Variants in ZEB1 observed in about 807,000 individuals in gnomAD.
ZEB1 encodes the protein zinc finger E-box-binding homeobox 1.
A neutral mutation model predicts 84.9 loss-of-function variants in ZEB1; 21 were observed. That is an observed-to-expected ratio of 0.25 (90% CI 0.18 to 0.36). ZEB1 has a LOEUF of 0.36. Among genes scored for constraint, ZEB1 ranks in the 10% least tolerant of loss-of-function variants. The pLI is 1.00. For missense variants in ZEB1, 1,104 were observed against 1,330.2 expected (o/e 0.83, Z 2.65); for synonymous variants, 420 against 471.1 (o/e 0.89, Z 1.41).
At chr10:31,337,704 T>TTTTTC (rs2038460037) in intron 1 of ZEB1, among the ~76,000 whole-genome samples, 1 of 146,606 alleles carries the variant, frequency 6.8e-6, no homozygotes. Context: ...TTTTTTTTTT[T>TTTTTC]TGATGGAGTC....
chr10:31,324,762 G>A (rs2035079750), intron 1 of ZEB1, among the ~76,000 whole-genome samples: 3 of 151,970 alleles, frequency 2.0e-5, no homozygotes, highest in South Asian at 4.2e-4. Context: ...GTCCTGATTA[G>A]GAAATATGAT....
chr10:31,375,399 A>G (rs2046456157), intron 1 of ZEB1, among the ~76,000 whole-genome samples: 2 of 151,744 alleles, frequency 1.3e-5, no homozygotes, highest in Admixed American at 1.3e-4. Flanking sequence ...TTTCTTTGAC[A>G]GCTCTTTTTG....
chr10:31,504,087 G>T (rs571352679), intron 4 of ZEB1, among the ~76,000 whole-genome samples: 2 of 144,348 alleles, frequency 1.4e-5, no homozygotes, highest in East Asian at 3.9e-4. Context: ...GTTTTATGGT[G>T]TTGTGTCTTA....
intron 1 of ZEB1, among the ~76,000 whole-genome samples, chr10:31,400,932 C>A (rs2051867808): frequency 6.6e-6 from 1 of 152,074 alleles, no homozygotes; most frequent in Admixed American, 6.6e-5. Flanking sequence ...TTATGACATA[C>A]ATTTCTTCAT....
chr10:31,468,949 A>G (rs2062797552), intron 2 of ZEB1, among the ~76,000 whole-genome samples: 1 of 152,224 alleles, frequency 6.6e-6, no homozygotes, highest in Non-Finnish European at 1.5e-5. Flanking sequence ...CTTTGAAATG[A>G]CAGATAAAGA....
chr10:31,474,395 G>T (rs1017204424), intron 2 of ZEB1, among the ~76,000 whole-genome samples: 3 of 152,084 alleles, frequency 2.0e-5, no homozygotes, highest in Non-Finnish European at 4.4e-5. Context: ...CAAAAAGTGG[G>T]CAAAGGACAT....
At position 31,529,358 on chromosome 10, in the gene ZEB1, A is replaced by G. The variant is rs529773529; in HGVS notation, c.*2094A>G. ...TAAATTATGGATTTTCTTGTGGCTA[A>G]ATGTTTCTGGAGAGGTCAGAGTTGA... On this transcript the variant is annotated 3_prime_UTR_variant, in exon 9 of 9. Coordinates refer to ENST00000424869, the MANE Select transcript of ZEB1 (RefSeq NM_001174096.2). 2.1e-4 allele frequency: 32 copies of G among 152,260 alleles called. No individual in the cohort carries two copies. The highest frequency in any genetic ancestry group is 7.0e-4 in the African/African-American group (29 of 41,548). The allele number at this position is 152,260 out of a possible 1,614,324, so 9.4% of individuals were successfully genotyped here. A position where few individuals can be genotyped will look rare whatever the true frequency, so the allele number is the denominator to read the frequency against.
In ZEB1 at chr10:31,361,493, G is replaced by T. The variant is rs192819969; in HGVS notation, c.58+42201G>T. Among the ~76,000 whole-genome samples the T allele has an allele frequency of 4.6e-5, 7 of 152,328 alleles. No individual in the cohort carries two copies. In the East Asian group the frequency reaches 1.3e-3, roughly 29 times the overall value. On this transcript the variant is annotated intron_variant, in intron 1 of 8. Coordinates refer to ENST00000424869, the MANE Select transcript of ZEB1 (RefSeq NM_001174096.2). ...GGAGGGCAGAAAGATCACACACAAGGCTGTCACTTCACACTTGGAAGGTTG... is the reference window on the plus strand; with the variant it reads ...GGAGGGCAGAAAGATCACACACAAGTCTGTCACTTCACACTTGGAAGGTTG...
intron 1 of ZEB1, among the ~76,000 whole-genome samples, chr10:31,339,498 C>G (rs371354122): frequency 6.6e-6 from 1 of 151,994 alleles, no homozygotes; most frequent in Non-Finnish European, 1.5e-5. Flanking sequence ...GGCCAGGCGC[C>G]GTGGCTCACA....
intron 1 of ZEB1, chr10:31,320,052 A>G (rs2033429172): frequency 6.6e-6 from 1 of 151,088 alleles, no homozygotes; most frequent in South Asian, 2.1e-4. Context: ...CGGGGATTAG[A>G]GGCGCGGGGG....
intron 1 of ZEB1, among the ~76,000 whole-genome samples, chr10:31,380,953 G>T (rs1364716055): frequency 6.6e-6 from 1 of 152,078 alleles, no homozygotes; most frequent in Non-Finnish European, 1.5e-5. Context: ...AGTTTTATTT[G>T]GTCAAATACA....
At chr10:31,445,508 A>G (rs2059641737) in intron 1 of ZEB1, among the ~76,000 whole-genome samples, 1 of 150,740 alleles carries the variant, frequency 6.6e-6, no homozygotes, top group Admixed American at 6.6e-5. Context: ...TTCAAAGGGA[A>G]TGCTTCCAGT....
intron 2 of ZEB1, among the ~76,000 whole-genome samples, chr10:31,489,052 AT>A (rs1465269789): frequency 4.0e-5 from 6 of 151,316 alleles, no homozygotes; most frequent in Admixed American, 1.3e-4. Flanking sequence ...CTGTCAGTTA[AT>A]GCAAGAGGAG....
intron 2 of ZEB1, among the ~76,000 whole-genome samples, chr10:31,482,262 G>A (rs2065139675): frequency 6.6e-6 from 1 of 151,956 alleles, no homozygotes; most frequent in Non-Finnish European, 1.5e-5. Context: ...CTAATAATTA[G>A]AAAACATCAG....
chr10:31,389,423 T>G (rs1173601844), intron 1 of ZEB1, among the ~76,000 whole-genome samples: 1 of 152,156 alleles, frequency 6.6e-6, no homozygotes, highest in Non-Finnish European at 1.5e-5. Flanking sequence ...TTCTGATTTG[T>G]CTTTCATCGG....
chr10:31,350,623 G>C (rs1042685371), intron 1 of ZEB1, among the ~76,000 whole-genome samples: 1 of 152,060 alleles, frequency 6.6e-6, no homozygotes, highest in Admixed American at 6.5e-5. Flanking sequence ...ATAATTTAAG[G>C]TTTCATGAAT....
chr10:31,464,859 G>A (rs180784954), intron 2 of ZEB1, among the ~76,000 whole-genome samples: 6 of 152,210 alleles, frequency 3.9e-5, no homozygotes, highest in African/African-American at 4.8e-5. Context: ...AACCTGCTTC[G>A]TAAGAAAAAC....
At chr10:31,407,286 CT>C (rs2053290820) in intron 1 of ZEB1, among the ~76,000 whole-genome samples, 1 of 142,788 alleles carries the variant, frequency 7.0e-6, no homozygotes, top group South Asian at 2.3e-4. Flanking sequence ...TGATGTTCCC[CT>C]TCCTGTGTCC....
At chr10:31,344,527 AG>A (rs1181248950) in intron 1 of ZEB1, among the ~76,000 whole-genome samples, 1 of 152,140 alleles carries the variant, frequency 6.6e-6, no homozygotes, top group Non-Finnish European at 1.5e-5. Context: ...TAATATGCTT[AG>A]GCTCACTTCA....
Sources: gnomAD v4.1 joint callset for allele counts (sites outside exome capture counted in the v4.1 genomes callset) on GRCh38, gnomAD v4.1.1 for gene constraint, MANE v1.5 for transcripts, NCBI Gene and HGNC (gene_info 2026-07-23, HGNC 2026-07-21) for gene names.